CYP4Z1: variants seen among roughly 807,000 people sequenced by gnomAD.
CYP4Z1 encodes cytochrome P450 4Z1.
CYP4Z1 carries 41 observed loss-of-function variants against 54.2 expected under a neutral mutation model. That is an observed-to-expected ratio of 0.76 (90% confidence interval 0.59 to 0.98). The LOEUF (loss-of-function observed/expected upper bound fraction) is 0.98. CYP4Z1 is among the 50% of genes least tolerant of loss of function. CYP4Z1 has a pLI of 0.00. For missense variants in CYP4Z1, 513 were observed against 599.0 expected, an observed-to-expected ratio of 0.86 and a Z score of 1.50; for synonymous variants, 163 against 206.2, an observed-to-expected ratio of 0.79 and a Z score of 1.79.
At chr1:47,114,041 A>G (rs1434375537) in intron 9 of CYP4Z1, among the ~76,000 whole-genome samples, 1 of 152,180 alleles carries the variant, frequency 6.6e-6, no homozygotes, top group African/African-American at 2.4e-5. Flanking sequence ...CCTGACTTCA[A>G]ACTATACTAC....
chr1:47,116,149 C>T (rs898727643), intron 10 of CYP4Z1, among the ~76,000 whole-genome samples: 1 of 152,110 alleles, frequency 6.6e-6, no homozygotes, highest in Non-Finnish European at 1.5e-5. Context: ...AGATACTAAT[C>T]GGCAGCCTCT....
the CYP4Z1 span, among the ~76,000 whole-genome samples, chr1:47,061,419 C>G: frequency 2.0e-5 from 3 of 152,278 alleles, no homozygotes; most frequent in Non-Finnish European, 4.4e-5. Context: ...TGCACACAAA[C>G]TAGAAAATCT....
At chr1:47,063,720 A>G (rs1208525163), upstream of CYP4Z1, among the ~76,000 whole-genome samples, 1 of 152,060 alleles carries the variant, frequency 6.6e-6, no homozygotes, top group Non-Finnish European at 1.5e-5. Flanking sequence ...AAAATAAACA[A>G]AGCCTCCAAA....
In CYP4Z1 at chr1:47,116,633, C is replaced by T. The variant is rs1281437541; in HGVS notation, c.1267-17C>T. ...GGGCTGGAGGGATTAGGACTGGGAT[C>T]TTCACTCTCATTACAGGTCTTTAAC... On this transcript the variant is annotated splice_polypyrimidine_tract_variant and intron_variant, in intron 10 of 11. Coordinates refer to ENST00000334194, the MANE Select transcript of CYP4Z1 (RefSeq NM_178134.3). 1.3e-6 allele frequency: 2 copies of T among 1,568,564 alleles called. No individual in the cohort carries two copies. Among genetic ancestry groups the T allele is most frequent in the Non-Finnish European group, 8.8e-7 (1 of 1,142,308 alleles).
At position 47,099,276 on chromosome 1, in the gene CYP4Z1, T is replaced by C; in HGVS notation, c.1059T>C (p.Ser353=). 1 of 1,604,600 alleles carries C rather than the reference T, an allele frequency of 6.2e-7. No individual in the cohort carries two copies. The highest frequency in any genetic ancestry group is 8.5e-7 in the Non-Finnish European group (1 of 1,176,904). The change falls in exon 8 of 12, where the codon TCT becomes TCC. Residue 353 remains serine (S), a synonymous_variant. Coordinates refer to ENST00000334194, the MANE Select transcript of CYP4Z1 (RefSeq NM_178134.3). ...GGGAACTCCTAGGGGATGGGTCTTC[T>C]ATTACCTGGTAAGACCTGTATTCCT... ...EIRELLGDGS[S]ITWEHLSQMP...
rs1166440630 is a variant in CYP4Z1, at chr1:47,082,985, T to C, written c.492+524T>C. On this transcript the variant is annotated intron_variant, in intron 4 of 11. Transcript: ENST00000334194. ...ATGTCACAAGACAATCTAAAACCCA[T>C]AGAGAAGACACAATTGTGTGTCTCC... Among the ~76,000 whole-genome samples, 3 of 152,146 alleles carry C rather than the reference T, an allele frequency of 2.0e-5. No individual in the cohort carries two copies. In the South Asian group the frequency reaches 6.2e-4, roughly 31 times the overall value.
upstream of CYP4Z1, among the ~76,000 whole-genome samples, chr1:47,065,994 G>T (rs912624052): frequency 5.9e-5 from 9 of 151,818 alleles, no homozygotes; most frequent in Non-Finnish European, 8.8e-5. Flanking sequence ...ATATAGAATC[G>T]CCGAACAGAC....
intron 8 of CYP4Z1, among the ~76,000 whole-genome samples, chr1:47,105,868 T>C (rs1236831762): frequency 1.3e-5 from 2 of 151,956 alleles, no homozygotes; most frequent in Non-Finnish European, 2.9e-5. Flanking sequence ...GTGATACTGG[T>C]CACAGGAGCC....
At chr1:47,100,221 G>A (rs539206451) in intron 8 of CYP4Z1, among the ~76,000 whole-genome samples, 14 of 152,216 alleles carry the variant, frequency 9.2e-5, no homozygotes, top group Non-Finnish European at 5.9e-5. Flanking sequence ...ATGGAATTCC[G>A]TTATGTATAA....
Position 47,117,951 on chromosome 1 carries a change from A to T in CYP4Z1, c.*17A>T, listed in dbSNP as rs115902275. On this transcript the variant is annotated 3_prime_UTR_variant, in exon 12 of 12. Transcript: ENST00000334194. Reference sequence around the variant, plus strand: ...GTTTGCTAATTTTAAGTCCTTTCGTATAAGAATTAATGAGACAATTTTCCT... The same window carrying T: ...GTTTGCTAATTTTAAGTCCTTTCGTTTAAGAATTAATGAGACAATTTTCCT... 2 of 1,610,336 alleles carry T rather than the reference A, an allele frequency of 1.2e-6. No individual in the cohort carries two copies. Among genetic ancestry groups the T allele is most frequent in the South Asian group, 2.2e-5 (2 of 90,812 alleles).
At chr1:47,055,760 G>A in the CYP4Z1 span, among the ~76,000 whole-genome samples, 1 of 152,094 alleles carries the variant, frequency 6.6e-6, no homozygotes, top group Non-Finnish European at 1.5e-5. Context: ...GGGATCGGTG[G>A]TGATATCCCC....
rs1005569417 is a variant in CYP4Z1 at position 47,094,146 on chromosome 1, T to G, written c.773-420T>G. ...CTGCCACTCAATTTGAGCACCAGTC[T>G]CTACCATGAGATATGACATCTCATC... is the stretch of plus-strand genomic sequence containing the variant. On this transcript the variant is annotated intron_variant, in intron 6 of 11. Transcript: ENST00000334194. 6.2e-4 allele frequency among the ~76,000 whole-genome samples: 95 copies of G among 152,280 alleles called. 1 individual carries two copies. Among genetic ancestry groups the G allele is most frequent in the Middle Eastern group, 3.4e-3 (1 of 294 alleles).
At chr1:47,095,687 A>G (rs1644671848) in intron 7 of CYP4Z1, among the ~76,000 whole-genome samples, 1 of 152,168 alleles carries the variant, frequency 6.6e-6, no homozygotes, top group Non-Finnish European at 1.5e-5. Context: ...TATGTAAGGA[A>G]GAGAAATTGT....
intron 6 of CYP4Z1, among the ~76,000 whole-genome samples, chr1:47,088,286 G>T (rs1644612643): frequency 6.6e-6 from 1 of 152,042 alleles, no homozygotes; most frequent in Non-Finnish European, 1.5e-5. Context: ...GCTCCTCCTT[G>T]TCCCTCTGGT....
intron 8 of CYP4Z1, among the ~76,000 whole-genome samples, chr1:47,103,339 C>G (rs1020488471): frequency 6.9e-6 from 1 of 145,160 alleles, no homozygotes; most frequent in African/African-American, 2.7e-5. Context: ...GCCACCATGC[C>G]TGGCTAATTT....
At chr1:47,111,925 A>G (rs1569759864) in intron 9 of CYP4Z1, among the ~76,000 whole-genome samples, 2 of 152,344 alleles carry the variant, frequency 1.3e-5, no homozygotes, top group African/African-American at 4.8e-5. Context: ...TGAAAACTCT[A>G]CATATGAGAA....
intron 6 of CYP4Z1, among the ~76,000 whole-genome samples, chr1:47,087,683 T>C (rs1033061734): frequency 6.6e-6 from 1 of 152,206 alleles, no homozygotes; most frequent in Non-Finnish European, 1.5e-5. Flanking sequence ...GAATGCCCTT[T>C]ATTTCTTTCT....
Position 47,067,583 on chromosome 1 carries a change from G to A in CYP4Z1, c.93G>A (p.Arg31=). The part of the protein sequence containing the change: ...CMSLLLFQVI[R]LYQRRRWMIR... ...CTCTGCTGCTGTTTCAGGTAATCAG[G>A]TTGTACCAGAGGAGGAGATGGATGA... Residue 31 remains arginine, a synonymous_variant, in exon 1 of 12, where the codon AGG becomes AGA. Transcript: ENST00000334194. 4.3e-6 allele frequency: 7 copies of A among 1,613,652 alleles called. No homozygotes were observed. The highest frequency in any genetic ancestry group is 5.1e-6 in the Non-Finnish European group (6 of 1,179,766).
At chr1:47,057,335 A>AAAAAAAAAAAATAT in the CYP4Z1 span, among the ~76,000 whole-genome samples, 160 of 28,326 alleles carry the variant, frequency 5.6e-3, 3 homozygotes, top group Non-Finnish European at 0.011. Flanking sequence ...AAGAAAAAAA[A>AAAAAAAAAAAATAT]ATATATATAT....
Sources: gnomAD v4.1 joint callset for allele counts (sites outside exome capture counted in the v4.1 genomes callset) on GRCh38, gnomAD v4.1.1 for gene constraint, MANE v1.5 for transcripts, NCBI Gene and HGNC (gene_info 2026-07-23, HGNC 2026-07-21) for gene names.